CHSY1: variants seen among roughly 807,000 people sequenced by gnomAD.
CHSY1 encodes N-acetylgalactosaminyl-proteoglycan 3-beta-glucuronosyltransferase 1.
In CHSY1, 13 loss-of-function variants were observed where a neutral mutation model predicts 59.8. The observed-to-expected ratio is 0.22, with a 90% CI of 0.14 to 0.35. The LOEUF (loss-of-function observed/expected upper bound fraction) is 0.35. CHSY1 is among the 10% of genes least tolerant of loss of function. CHSY1 has a pLI of 1.00. For missense variants in CHSY1, 947 were observed against 1,030.6 expected (o/e 0.92, Z 1.11); for synonymous variants, 459 against 401.2 (o/e 1.14, Z -1.72).
chr15:101,230,079 C>G (rs1399193095), intron 2 of CHSY1, among the ~76,000 whole-genome samples: 1 of 151,600 alleles, frequency 6.6e-6, no homozygotes, highest in Non-Finnish European at 1.5e-5. Flanking sequence ...GTAACTAGGA[C>G]TACAGGCGCC....
chr15:101,213,759 G>A (rs1310292633), intron 2 of CHSY1, among the ~76,000 whole-genome samples: 1 of 152,298 alleles, frequency 6.6e-6, no homozygotes, highest in Non-Finnish European at 1.5e-5. Context: ...CTTGAAGCAA[G>A]ATGAAACAGA....
At chr15:101,184,323 T>G (rs192054179) in intron 2 of CHSY1, among the ~76,000 whole-genome samples, 4 of 152,294 alleles carry the variant, frequency 2.6e-5, no homozygotes, top group Admixed American at 2.0e-4. Flanking sequence ...TGAAAGTTGC[T>G]GTAAGTACCT....
intron 2 of CHSY1, among the ~76,000 whole-genome samples, chr15:101,230,715 C>T (rs1235982389): frequency 6.6e-6 from 1 of 152,084 alleles, no homozygotes; most frequent in Non-Finnish European, 1.5e-5. Flanking sequence ...ATGATATATG[C>T]CTCCTCATAA....
At chr15:101,220,089 A>T (rs923991476) in intron 2 of CHSY1, among the ~76,000 whole-genome samples, 3 of 152,160 alleles carry the variant, frequency 2.0e-5, no homozygotes, top group Non-Finnish European at 4.4e-5. Flanking sequence ...TTCACTTTTG[A>T]TAAGAATCTC....
At chr15:101,202,044 A>T (rs2038579346) in intron 2 of CHSY1, among the ~76,000 whole-genome samples, 1 of 152,242 alleles carries the variant, frequency 6.6e-6, no homozygotes, top group Non-Finnish European at 1.5e-5. Context: ...CAATTTCAGA[A>T]GCTGCTGATG....
At position 101,251,400 on chromosome 15, in the gene CHSY1, G is replaced by T; in HGVS notation, c.57C>A (p.Gly19=). The change falls in exon 1 of 3, where the codon GGC becomes GGA. Residue 19 remains glycine, a synonymous_variant. Coordinates refer to ENST00000254190, the MANE Select transcript of CHSY1 (RefSeq NM_014918.5). ...GGACGAGCCGCGAGGCCAGCACGAA[G>T]CCCAGGACGAGCCCGAGCAGCACGC... is the stretch of plus-strand genomic sequence containing the variant. ...WLSVLLGLVL[G]FVLASRLVLP... The T allele has an allele frequency of 8.6e-7, 1 of 1,162,142 alleles. No homozygotes were observed. Among genetic ancestry groups the T allele is most frequent in the Non-Finnish European group, 1.1e-6 (1 of 923,748 alleles). 72.0% of individuals were successfully genotyped at this position (1,162,142 alleles called of 1,614,324 possible).
chr15:101,236,299 CAT>C (rs2038941641), intron 1 of CHSY1, among the ~76,000 whole-genome samples: 1 of 152,190 alleles, frequency 6.6e-6, no homozygotes, highest in Admixed American at 6.5e-5. Flanking sequence ...ACAGTTCCCA[CAT>C]GTTGCGGGAG....
At chr15:101,243,604 C>G (rs2039023871) in intron 1 of CHSY1, among the ~76,000 whole-genome samples, 1 of 152,212 alleles carries the variant, frequency 6.6e-6, no homozygotes. Context: ...TTTCCAGGCT[C>G]ACGGACACTG....
Position 101,176,080 on chromosome 15 carries a change from A to G in CHSY1, c.*1308T>C, listed in dbSNP as rs1212987558. 1 of 395,236 alleles carries G rather than the reference A, an allele frequency of 2.5e-6. No individual in the cohort carries two copies. The highest frequency in any genetic ancestry group is 3.6e-5 in the East Asian group (1 of 27,826). The allele number at this position is 395,236 out of a possible 1,614,324, so 24.5% of individuals were successfully genotyped here. ...TAGTAAAACAGTAAGGAATATAAAA[A>G]TTAAGGAGGGGAAAAAGCGTTTCCA... On this transcript the variant is annotated 3_prime_UTR_variant, in exon 3 of 3. Coordinates refer to ENST00000254190, the MANE Select transcript of CHSY1 (RefSeq NM_014918.5).
intron 1 of CHSY1, among the ~76,000 whole-genome samples, chr15:101,236,138 T>C (rs1179367134): frequency 6.6e-6 from 1 of 152,138 alleles, no homozygotes; most frequent in Non-Finnish European, 1.5e-5. Context: ...GCACAGGACA[T>C]GAGCTGAACC....
rs1291373789 is a variant in CHSY1, at chr15:101,251,275, G to A, written c.182C>T (p.Ala61Val). Residue 61 changes from alanine (A) to valine (V), a missense_variant, in exon 1 of 3, where the codon GCG becomes GTG. Around this residue, in one of 4 missense-constraint regions of CHSY1, gnomAD observed 232 missense variants for 188.5 expected, o/e 1.23. Coordinates refer to ENST00000254190, the MANE Select transcript of CHSY1 (RefSeq NM_014918.5). ...CTGCGCCCCGCGCGCATCGCCGCGCGCCCCGCCGGCCTGGGAAGCCGCCGC... is the reference window on the plus strand; with the variant it reads ...CTGCGCCCCGCGCGCATCGCCGCGCACCCCGCCGGCCTGGGAAGCCGCCGC... ...GQAAASQAGGARGDARGAQLW... is the reference protein window; with the variant it reads ...GQAAASQAGGVRGDARGAQLW... 2 of 1,290,728 alleles carry A rather than the reference G, an allele frequency of 1.5e-6. No individual in the cohort carries two copies. Among genetic ancestry groups the A allele is most frequent in the Admixed American group, 4.0e-5 (1 of 24,928 alleles). 80.0% of individuals were successfully genotyped at this position (1,290,728 alleles called of 1,614,324 possible). A position where few individuals can be genotyped will look rare whatever the true frequency, so the allele number is the denominator to read the frequency against.
At chr15:101,223,457 T>C (rs974742089) in intron 2 of CHSY1, among the ~76,000 whole-genome samples, 2 of 152,266 alleles carry the variant, frequency 1.3e-5, no homozygotes, top group East Asian at 3.8e-4. Flanking sequence ...CTTATAGTTT[T>C]AGCTTTAAGA....
chr15:101,217,624 G>A (rs1338766997), intron 2 of CHSY1, among the ~76,000 whole-genome samples: 1 of 152,152 alleles, frequency 6.6e-6, no homozygotes, highest in African/African-American at 2.4e-5. Context: ...ATGGAGGGAG[G>A]GAGGACCGAG....
At chr15:101,209,172 C>T (rs1350009662) in intron 2 of CHSY1, among the ~76,000 whole-genome samples, 1 of 152,104 alleles carries the variant, frequency 6.6e-6, no homozygotes, top group Non-Finnish European at 1.5e-5. Context: ...TTAATACTAC[C>T]AATAACAGAG....
At chr15:101,248,953 A>C (rs1440813723) in intron 1 of CHSY1, among the ~76,000 whole-genome samples, 3 of 111,462 alleles carry the variant, frequency 2.7e-5, no homozygotes, top group African/African-American at 3.7e-5. Flanking sequence ...AGCCTGGCTA[A>C]TTTTTTTTTT....
intron 2 of CHSY1, among the ~76,000 whole-genome samples, chr15:101,205,865 T>G (rs943364247): frequency 7.3e-5 from 11 of 151,212 alleles, no homozygotes; most frequent in African/African-American, 2.7e-4. Context: ...GGCAGGAGAA[T>G]GGCGTGAACC....
chr15:101,209,576 G>GA (rs1318079967), intron 2 of CHSY1, among the ~76,000 whole-genome samples: 20 of 151,066 alleles, frequency 1.3e-4, no homozygotes, highest in African/African-American at 4.1e-4. Flanking sequence ...TATTCCATGG[G>GA]AAAAAAAAAC....
intron 2 of CHSY1, among the ~76,000 whole-genome samples, chr15:101,221,391 G>A (rs2038787547): frequency 2.0e-5 from 3 of 152,134 alleles, no homozygotes; most frequent in African/African-American, 7.2e-5. Context: ...TACTCAGGAC[G>A]CTGGGGCACA....
intron 1 of CHSY1, among the ~76,000 whole-genome samples, chr15:101,250,558 T>C (rs1031608075): frequency 6.6e-6 from 1 of 152,238 alleles, no homozygotes; most frequent in Non-Finnish European, 1.5e-5. Context: ...GGCCAAGAAC[T>C]GCTTTTCCCC....
Sources: allele counts gnomAD v4.1 joint callset (sites outside exome capture counted in the v4.1 genomes callset), GRCh38; gene constraint gnomAD v4.1.1; regional missense constraint gnomAD v4.1.1; transcripts MANE v1.5; gene names NCBI Gene and HGNC (gene_info 2026-07-23, HGNC 2026-07-21).